The following WNK1 variants were observed in gnomAD, a reference collection of about 807,000 sequenced individuals.
WNK1 encodes the protein WNK lysine deficient protein kinase 1.
A neutral mutation model predicts 222.8 loss-of-function variants in WNK1; 38 were observed. That is an observed-to-expected ratio of 0.17 (90% CI 0.13 to 0.22). WNK1 has a LOEUF of 0.22. Among genes scored for constraint, WNK1 ranks in the 10% least tolerant of loss-of-function variants. The probability of loss-of-function intolerance (pLI) is 1.00; values close to 1 mark genes in which losing one functional copy is unlikely to be tolerated. For missense variants in WNK1, 2,348 were observed against 2,918.4 expected, an observed-to-expected ratio of 0.80 and a Z score of 4.50; for synonymous variants, 1,090 against 1,092.9, an observed-to-expected ratio of 1.00 and a Z score of 0.05.
chr12:865,258 CT>C, intron 8 of WNK1: 1 of 1,536,142 alleles, frequency 6.5e-7, no homozygotes, highest in East Asian at 2.4e-5. Flanking sequence ...CCCGAGGAAA[CT>C]TTTGCCGAAA....
At chr12:893,182 G>A (rs1954423048) in intron 22 of WNK1, among the ~76,000 whole-genome samples, 1 of 152,124 alleles carries the variant, frequency 6.6e-6, no homozygotes, top group African/African-American at 2.4e-5. Flanking sequence ...ACCTGAGCCT[G>A]GGAGGTTGAG....
In WNK1 at chr12:894,599, T is replaced by C. The variant is rs1474098128; in HGVS notation, c.5547T>C (p.Ser1849=). The change falls in exon 23 of 28, where the codon AGT becomes AGC. Residue 1849 remains serine, a synonymous_variant. Transcript: ENST00000315939. ...QVKEGPVLAT[S]SGAGVFKMGR... The stretch of plus-strand genomic sequence containing the variant: ...AAGAAGGCCCTGTCCTAGCAACTAG[T>C]TCAGGAGCTGGTGTTTTTAAGATGG... The C allele has an allele frequency of 1.2e-6, 2 of 1,605,854 alleles. No individual in the cohort carries two copies. The highest frequency in any genetic ancestry group is 1.7e-5 in the Admixed American group (1 of 59,826).
rs1954859423 is a variant in WNK1, at chr12:897,557, G to C, written c.6324G>C (p.Val2108=). 1.2e-6 allele frequency: 2 copies of C among 1,613,722 alleles called. No homozygotes were observed. The highest frequency in any genetic ancestry group is 1.7e-6 in the Non-Finnish European group (2 of 1,179,722). Residue 2108 remains valine (V), a synonymous_variant, in exon 25 of 28, where the codon GTG becomes GTC. Transcript: ENST00000315939. ...IESLYTKLGK[V]PPAVIIPPAA... The stretch of plus-strand genomic sequence containing the variant: ...CTTTGTATACCAAACTGGGCAAGGT[G>C]CCCCCTGCTGTTATTATTCCCCCAG...
At chr12:851,399 A>C in intron 4 of WNK1, 1 of 1,083,282 alleles carries the variant, frequency 9.2e-7, no homozygotes, top group East Asian at 6.8e-5. Flanking sequence ...GCAAGTAAAA[A>C]TCCCATTTTG....
chr12:821,841 C>T (rs1196979183), intron 2 of WNK1, among the ~76,000 whole-genome samples: 5 of 151,944 alleles, frequency 3.3e-5, no homozygotes, highest in Non-Finnish European at 7.4e-5. Context: ...AGTTTTGCTA[C>T]CTCACCCTCT....
intron 1 of WNK1, among the ~76,000 whole-genome samples, chr12:757,457 C>T (rs1475676607): frequency 1.3e-5 from 2 of 151,644 alleles, no homozygotes; most frequent in African/African-American, 4.8e-5. Flanking sequence ...TCCCAAGTAG[C>T]TGGGAGTACA....
intron 1 of WNK1, among the ~76,000 whole-genome samples, chr12:791,805 G>A (rs1944870821): frequency 1.3e-5 from 2 of 152,066 alleles, no homozygotes; most frequent in South Asian, 4.1e-4. Flanking sequence ...TAAATTGGGG[G>A]ATGATGTTTC....
chr12:774,004 T>C (rs1311301699), intron 1 of WNK1, among the ~76,000 whole-genome samples: 1 of 152,196 alleles, frequency 6.6e-6, no homozygotes, highest in Non-Finnish European at 1.5e-5. Context: ...TATCCTTACC[T>C]AATTGAGATG....
chr12:845,146 C>T (rs2154049350), intron 4 of WNK1, among the ~76,000 whole-genome samples: 1 of 152,170 alleles, frequency 6.6e-6, no homozygotes, highest in Non-Finnish European at 1.5e-5. Flanking sequence ...CCGCCCGCCT[C>T]AGCCTCCCAA....
chr12:865,408 T>G (rs1260566332), intron 8 of WNK1: 3 of 1,511,830 alleles, frequency 2.0e-6, no homozygotes, highest in Non-Finnish European at 2.7e-6. Context: ...TTATTACCAA[T>G]GAATACATCC....
chr12:897,164 C>T (rs1005707485), intron 24 of WNK1, among the ~76,000 whole-genome samples: 14 of 152,062 alleles, frequency 9.2e-5, no homozygotes, highest in Non-Finnish European at 1.2e-4. Flanking sequence ...GATTATTTGG[C>T]ACGTTTTGTT....
intron 1 of WNK1, among the ~76,000 whole-genome samples, chr12:775,808 T>C (rs1943019915): frequency 6.6e-6 from 1 of 152,236 alleles, no homozygotes; most frequent in Non-Finnish European, 1.5e-5. Context: ...TTGTGTCATA[T>C]ATTCTTATGT....
At chr12:860,916 T>C in intron 6 of WNK1, 97 bp from the exon 7 acceptor site, 2 of 1,242,332 alleles carry the variant, frequency 1.6e-6, no homozygotes, top group Non-Finnish European at 2.3e-6. Context: ...TCTCTACTTT[T>C]TTTACAATGC....
chr12:800,264 A>G (rs1244317630), intron 1 of WNK1, among the ~76,000 whole-genome samples: 1 of 152,202 alleles, frequency 6.6e-6, no homozygotes, highest in Non-Finnish European at 1.5e-5. Context: ...ACATTTATTA[A>G]GTACCAGACA....
intron 1 of WNK1, among the ~76,000 whole-genome samples, chr12:790,082 T>C (rs1344988040): frequency 1.3e-5 from 2 of 152,156 alleles, no homozygotes; most frequent in African/African-American, 2.4e-5. Flanking sequence ...AGGATTATGG[T>C]TAGCAAGGAG....
chr12:770,706 T>C (rs1424650583), intron 1 of WNK1, among the ~76,000 whole-genome samples: 1 of 152,192 alleles, frequency 6.6e-6, no homozygotes. Context: ...ACACAGAAAT[T>C]TGGGGTTTTA....
chr12:820,915 A>G (rs1947811472), intron 2 of WNK1, among the ~76,000 whole-genome samples: 1 of 152,070 alleles, frequency 6.6e-6, no homozygotes, highest in Admixed American at 6.6e-5. Context: ...TATCCTTGTC[A>G]TATTACTGAT....
In WNK1 at chr12:900,594, C is replaced by T. The variant is rs1401420768; in HGVS notation, c.6567C>T (p.Pro2189=). ...TGTTACAGCCCCTTAAGCCATCTCCCTCCAGTGACAACCTCTATTCAGCCT... is the reference window on the plus strand; with the variant it reads ...TGTTACAGCCCCTTAAGCCATCTCCTTCCAGTGACAACCTCTATTCAGCCT... ...NQLLQPLKPS[P]SSDNLYSAFT... is the part of the protein sequence containing the mutation. Residue 2189 remains proline, a synonymous_variant, in exon 26 of 28, where the codon CCC becomes CCT. Transcript: ENST00000315939. The T allele has an allele frequency of 2.5e-6, 4 of 1,614,248 alleles. No homozygotes were observed. Among genetic ancestry groups the T allele is most frequent in the Admixed American group, 1.7e-5 (1 of 60,030 alleles).
intron 20 of WNK1, among the ~76,000 whole-genome samples, chr12:887,647 A>G (rs1052809601): frequency 6.6e-6 from 1 of 152,188 alleles, no homozygotes; most frequent in Non-Finnish European, 1.5e-5. Flanking sequence ...TATATAATCA[A>G]AATTAACTTT....
Sources: allele counts gnomAD v4.1 joint callset (sites outside exome capture counted in the v4.1 genomes callset), GRCh38; gene constraint gnomAD v4.1.1; transcripts MANE v1.5; gene names NCBI Gene and HGNC (gene_info 2026-07-23, HGNC 2026-07-21).